GNA14: variants seen among roughly 807,000 people sequenced by gnomAD.
GNA14 encodes guanine nucleotide-binding protein subunit alpha-14.
GNA14 carries 50 observed loss-of-function variants against 42.0 expected under a neutral mutation model. The ratio of observed to expected loss-of-function variants is 1.19; its 90% CI spans 0.95 to 1.51. The LOEUF is 1.51. Among genes scored for constraint, GNA14 ranks in the 40% most tolerant of loss-of-function variants. The pLI is 0.00. For synonymous variants in GNA14, 173 were observed against 163.1 expected, an observed-to-expected ratio of 1.06 and a Z score of -0.46; for missense variants, 473 against 446.2, an observed-to-expected ratio of 1.06 and a Z score of -0.54.
At chr9:77,569,467 T>A (rs1823026527) in intron 1 of GNA14, among the ~76,000 whole-genome samples, 3 of 152,190 alleles carry the variant, frequency 2.0e-5, no homozygotes, top group Admixed American at 2.0e-4. Flanking sequence ...ACCTACTATG[T>A]GTTGGGAACT....
chr9:77,525,539 T>C (rs1837419740), intron 2 of GNA14, among the ~76,000 whole-genome samples: 1 of 150,100 alleles, frequency 6.7e-6, no homozygotes, highest in Non-Finnish European at 1.5e-5. Flanking sequence ...GATGGTTTGT[T>C]CTTTTTTTTT....
At chr9:77,455,799 T>C (rs979569874) in intron 2 of GNA14, among the ~76,000 whole-genome samples, 2 of 152,206 alleles carry the variant, frequency 1.3e-5, no homozygotes, top group African/African-American at 2.4e-5. Context: ...TCACTTTAGC[T>C]AGTGGGAAGC....
chr9:77,625,331 A>G (rs1219011567), intron 1 of GNA14, among the ~76,000 whole-genome samples: 1 of 152,174 alleles, frequency 6.6e-6, no homozygotes, highest in African/African-American at 2.4e-5. Context: ...TCTTCAGGAT[A>G]TTATCCAGGA....
intron 2 of GNA14, among the ~76,000 whole-genome samples, chr9:77,503,750 C>T (rs925451854): frequency 4.0e-5 from 6 of 149,654 alleles, no homozygotes; most frequent in South Asian, 2.1e-4. Flanking sequence ...CTCCACCCAC[C>T]GAGTTCAAGC....
At chr9:77,459,423 C>CA (rs1836067100) in intron 2 of GNA14, among the ~76,000 whole-genome samples, 2 of 152,042 alleles carry the variant, frequency 1.3e-5, no homozygotes, top group Non-Finnish European at 2.9e-5. Context: ...GTAATCCAAG[C>CA]AAAATGACGC....
At chr9:77,633,573 A>C (rs1161236554) in intron 1 of GNA14, among the ~76,000 whole-genome samples, 1 of 152,150 alleles carries the variant, frequency 6.6e-6, no homozygotes, top group Non-Finnish European at 1.5e-5. Flanking sequence ...TGGCTGGCAG[A>C]GTGAATAGTG....
chr9:77,448,112 C>CT (rs1473453549), intron 2 of GNA14, among the ~76,000 whole-genome samples: 1 of 152,242 alleles, frequency 6.6e-6, no homozygotes, highest in African/African-American at 2.4e-5. Context: ...GGGAAGACAG[C>CT]TATGCCTTGT....
chr9:77,451,450 G>C (rs1835900512), intron 2 of GNA14, among the ~76,000 whole-genome samples: 1 of 152,154 alleles, frequency 6.6e-6, no homozygotes, highest in African/African-American at 2.4e-5. Context: ...AGGATGTAAA[G>C]GAATGCCACT....
chr9:77,480,626 C>T (rs527667334), intron 2 of GNA14, among the ~76,000 whole-genome samples: 24 of 152,286 alleles, frequency 1.6e-4, no homozygotes, highest in African/African-American at 2.4e-4. Context: ...AGGAATGGTA[C>T]CAGCTCCTCC....
At chr9:77,444,417 G>C (rs1835781152) in intron 2 of GNA14, among the ~76,000 whole-genome samples, 1 of 152,198 alleles carries the variant, frequency 6.6e-6, no homozygotes. Flanking sequence ...CTGTGGCCAA[G>C]GGTGCCAGCT....
intron 2 of GNA14, among the ~76,000 whole-genome samples, chr9:77,474,057 G>A (rs1587783964): frequency 6.6e-6 from 1 of 152,128 alleles, no homozygotes; most frequent in Non-Finnish European, 1.5e-5. Context: ...AAAACTCTTA[G>A]AAGTAACATA....
At chr9:77,452,234 G>A (rs11145430) in intron 2 of GNA14, among the ~76,000 whole-genome samples, 18,074 of 152,122 alleles carry the variant, frequency 0.12, 1,458 homozygotes, top group East Asian at 0.3. Context: ...CTCATGTGAC[G>A]TGTGAGGCAG....
At chr9:77,647,640 C>T (rs1162965535) in intron 1 of GNA14, 30 bp downstream of exon 1, 2 of 1,597,420 alleles carry the variant, frequency 1.3e-6, no homozygotes, top group Admixed American at 1.7e-5. Context: ...AAACGCCCGG[C>T]TCACTGGAGT....
At chr9:77,529,364 G>T in intron 1 of GNA14, 111 bp from the exon 2 acceptor site, 1 of 863,924 alleles carries the variant, frequency 1.2e-6, no homozygotes, top group Non-Finnish European at 1.9e-6. Flanking sequence ...ATAGGCTGAT[G>T]GGTTGGATTT....
At chr9:77,493,190 T>C (rs150577468) in intron 2 of GNA14, among the ~76,000 whole-genome samples, 1 of 151,558 alleles carries the variant, frequency 6.6e-6, no homozygotes, top group East Asian at 1.9e-4. Flanking sequence ...TGAAGGACTG[T>C]AAGCCCACAC....
intron 2 of GNA14, among the ~76,000 whole-genome samples, chr9:77,474,644 G>A (rs1202136459): frequency 6.6e-6 from 1 of 152,078 alleles, no homozygotes; most frequent in African/African-American, 2.4e-5. Flanking sequence ...TCCACTCCTA[G>A]GCATATACCC....
At chr9:77,593,346 G>C (rs942189567) in intron 1 of GNA14, among the ~76,000 whole-genome samples, 9 of 126,368 alleles carry the variant, frequency 7.1e-5, no homozygotes, top group African/African-American at 3.8e-4. Context: ...TTTTTTTTTT[G>C]AAACGGAGTC....
intron 2 of GNA14, among the ~76,000 whole-genome samples, chr9:77,473,355 G>C (rs1256578894): frequency 5.3e-5 from 8 of 152,120 alleles, no homozygotes; most frequent in Non-Finnish European, 1.0e-4. Context: ...TACTTGGGAG[G>C]CTAAAGTGGG....
intron 2 of GNA14, among the ~76,000 whole-genome samples, chr9:77,489,957 A>T (rs931043210): frequency 1.3e-5 from 2 of 152,190 alleles, no homozygotes; most frequent in African/African-American, 2.4e-5. Context: ...CCCCGCCCAC[A>T]TCCTGCTGAT....
Sources: allele counts gnomAD v4.1 joint callset (sites outside exome capture counted in the v4.1 genomes callset), GRCh38; gene constraint gnomAD v4.1.1; transcripts MANE v1.5; gene names NCBI Gene and HGNC (gene_info 2026-07-23, HGNC 2026-07-21).